Variants in TNS3 observed in about 807,000 individuals in gnomAD.
TNS3 encodes the protein tensin 3.
In TNS3, 45 loss-of-function variants were observed where a neutral mutation model predicts 140.9. The ratio of observed to expected loss-of-function variants is 0.32; its 90% CI spans 0.25 to 0.41. The LOEUF is 0.41. TNS3 is among the 10% of genes least tolerant of loss of function. The pLI is 1.00. For missense variants in TNS3, 1,716 were observed against 1,906.7 expected, an observed-to-expected ratio of 0.90 and a Z score of 1.86; for synonymous variants, 815 against 788.4, an observed-to-expected ratio of 1.03 and a Z score of -0.56.
At chr7:47,426,746 A>T (rs548816630) in intron 9 of TNS3, among the ~76,000 whole-genome samples, 1 of 152,168 alleles carries the variant, frequency 6.6e-6, no homozygotes, top group Non-Finnish European at 1.5e-5. Flanking sequence ...TTTAGCCCTA[A>T]GACATCTACC....
intron 20 of TNS3, among the ~76,000 whole-genome samples, chr7:47,310,605 C>T (rs943096974): frequency 2.0e-5 from 3 of 152,142 alleles, no homozygotes; most frequent in African/African-American, 4.8e-5. Flanking sequence ...ACTGCCACCA[C>T]CCCACACACA....
rs79186979 is a variant in TNS3, at chr7:47,407,032, G to A, written c.723+4695C>T. 0.04 allele frequency among the ~76,000 whole-genome samples: 6,069 copies of A among 152,266 alleles called. 175 individuals carry two copies. Among genetic ancestry groups the A allele is most frequent in the Non-Finnish European group, 0.06 (4,106 of 68,006 alleles). Reference sequence around the variant, plus strand: ...CCCAGAAGAAGCATGAACGGGAGGAGGGGATGGCTCCCGCTCCTCTCTAGG... The same window carrying A: ...CCCAGAAGAAGCATGAACGGGAGGAAGGGATGGCTCCCGCTCCTCTCTAGG... On this transcript the variant is annotated intron_variant, in intron 13 of 30. Transcript: ENST00000311160. This position sits in a 1 kb window ranked among gnomAD's most constrained non-coding sequence, Gnocchi z 4.1.
In TNS3 at chr7:47,283,800, T is replaced by C; in HGVS notation, c.3994A>G (p.Lys1332Glu). The change falls in exon 28 of 31, where the codon AAG becomes GAG. Residue 1332 changes from lysine (K) to glutamate (E), a missense_variant. By Grantham distance (56) the Lys-to-Glu change is moderately conservative. Coordinates refer to ENST00000311160, the MANE Select transcript of TNS3 (RefSeq NM_022748.12). Reference sequence around the variant, plus strand: ...TGGACCAGGGTGATGCTCAGGGCCTTCTGGATCGCCTGGTGGCCGGTGAGG... The same window carrying C: ...TGGACCAGGGTGATGCTCAGGGCCTCCTGGATCGCCTGGTGGCCGGTGAGG... ...ESLTGHQAIQ[K>E]ALSITLVQEP... The C allele has an allele frequency of 6.2e-7, 1 of 1,612,246 alleles. No homozygotes were observed. Among genetic ancestry groups the C allele is most frequent in the South Asian group, 1.1e-5 (1 of 90,788 alleles).
chr7:47,501,128 AAAGGGAGGAAGAGAGG>A (rs1251946164), intron 3 of TNS3, among the ~76,000 whole-genome samples: 3 of 138,508 alleles, frequency 2.2e-5, no homozygotes, highest in African/African-American at 7.9e-5. Context: ...AGAAGAGGAG[AAAGGGAGGAAGAGAGG>A]AAGGGAGGAA....
intron 4 of TNS3, among the ~76,000 whole-genome samples, chr7:47,455,855 G>T (rs181806731): frequency 6.6e-6 from 1 of 152,214 alleles, no homozygotes; most frequent in Admixed American, 6.5e-5. Flanking sequence ...TGTGGCAGAG[G>T]TGGGGCAGGA....
rs1478015110 is a variant in TNS3, at chr7:47,389,055, A to T, written c.1024+7745T>A. On this transcript the variant is annotated intron_variant, in intron 16 of 30. Transcript: ENST00000311160. ...GAAGAAGAAGAAGAAGAAGAAGAAG[A>T]AGAAGAAGAAGAAGAAGAAGAAGAA... is the stretch of plus-strand genomic sequence containing the variant. Among the ~76,000 whole-genome samples the T allele has an allele frequency of 2.2e-4, 14 of 63,632 alleles. 1 individual carries two copies. Among genetic ancestry groups the T allele is most frequent in the African/African-American group, 1.0e-3 (14 of 13,488 alleles). The allele number at this position is 63,632 out of a possible 152,430, so 41.7% of individuals were successfully genotyped here. A position where few individuals can be genotyped will look rare whatever the true frequency, so the allele number is the denominator to read the frequency against.
intron 4 of TNS3, chr7:47,470,458 T>C: frequency 1.0e-6 from 1 of 985,504 alleles, no homozygotes; most frequent in Non-Finnish European, 1.2e-6. Flanking sequence ...TTTTCTTGTC[T>C]GCTGCAGACG....
rs776173634 is a variant in TNS3, at chr7:47,293,695, A to G, written c.3772+38T>C. 4.4e-6 allele frequency: 7 copies of G among 1,581,070 alleles called. No homozygotes were observed. The Admixed American group carries it at 1.0e-4, about 23-fold the overall frequency. On this transcript the variant is annotated intron_variant, in intron 25 of 30. Coordinates refer to ENST00000311160, the MANE Select transcript of TNS3 (RefSeq NM_022748.12). The stretch of plus-strand genomic sequence containing the variant: ...GAGCAGAGGGAATCCAGGCCTCATG[A>G]GTTCAGAACATTGACAGCAACCTCT...
In TNS3 at chr7:47,354,385, A is replaced by G. The variant is rs1486159090; in HGVS notation, c.2282-8029T>C. ...CTCCCCAACGTACCCCTTCTCAGAA[A>G]AACCAAGGAGAAAGGGAACAAAACC... On this transcript the variant is annotated intron_variant, in intron 17 of 30. Transcript: ENST00000311160. Among the ~76,000 whole-genome samples, 6 of 152,072 alleles carry G rather than the reference A, an allele frequency of 3.9e-5. 1 individual carries two copies. Among genetic ancestry groups the G allele is most frequent in the African/African-American group, 1.4e-4 (6 of 41,418 alleles).
At position 47,408,971 on chromosome 7, in the gene TNS3, G is replaced by A. The variant is rs115721726; in HGVS notation, c.723+2756C>T. Among the ~76,000 whole-genome samples, 960 of 152,118 alleles carry A rather than the reference G, an allele frequency of 6.3e-3. 5 individuals are homozygous for A. Among genetic ancestry groups the A allele is most frequent in the African/African-American group, 0.021 (890 of 41,492 alleles). Reference sequence around the variant, plus strand: ...CTGCCAGAAAGCCCATGTCCCCAACGGGATCCTCTAGGGCAAAAACTTCAC... The same window carrying A: ...CTGCCAGAAAGCCCATGTCCCCAACAGGATCCTCTAGGGCAAAAACTTCAC... On this transcript the variant is annotated intron_variant, in intron 13 of 30. Transcript: ENST00000311160.
chr7:47,343,995 G>A (rs532454192), intron 20 of TNS3, among the ~76,000 whole-genome samples: 1 of 152,186 alleles, frequency 6.6e-6, no homozygotes, highest in African/African-American at 2.4e-5. Flanking sequence ...GAAAGTCTCA[G>A]TCTCAGGTAA....
At chr7:47,518,438 G>A (rs949532921) in intron 2 of TNS3, among the ~76,000 whole-genome samples, 12 of 152,124 alleles carry the variant, frequency 7.9e-5, no homozygotes, top group Non-Finnish European at 1.5e-4. Context: ...CACACTTCAA[G>A]ACAACAGCCC....
In TNS3 at chr7:47,407,760, GAC is replaced by G. The variant is rs1236721305; in HGVS notation, c.723+3965_723+3966del. On this transcript the variant is annotated intron_variant, in intron 13 of 30. Coordinates refer to ENST00000311160, the MANE Select transcript of TNS3 (RefSeq NM_022748.12). The surrounding 1 kb of genome is among the most constrained non-coding windows in gnomAD (Gnocchi z 4.1). ...CCTTGTAAGAAGAGATGAGGACATAGACACACAGAGGGAAGCCCAGGTGAGGA... is the reference window on the plus strand; with the variant it reads ...CCTTGTAAGAAGAGATGAGGACATAGACACAGAGGGAAGCCCAGGTGAGGA... Among the ~76,000 whole-genome samples, 2 of 152,180 alleles carry G rather than the reference GAC, an allele frequency of 1.3e-5. No homozygotes were observed. The highest frequency in any genetic ancestry group is 4.8e-5 in the African/African-American group (2 of 41,456).
intron 18 of TNS3, among the ~76,000 whole-genome samples, chr7:47,345,526 T>C (rs1463117758): frequency 6.6e-6 from 1 of 152,246 alleles, no homozygotes; most frequent in African/African-American, 2.4e-5. Context: ...ATAGCTTTTT[T>C]TTCTTGTGAA....
chr7:47,410,578 G>A (rs1479708456), intron 13 of TNS3, among the ~76,000 whole-genome samples: 1 of 152,116 alleles, frequency 6.6e-6, no homozygotes, highest in African/African-American at 2.4e-5. Flanking sequence ...TTCGATCCTC[G>A]CTGATTTGAT....
At chr7:47,296,599 T>C (rs1786039957) in intron 24 of TNS3, among the ~76,000 whole-genome samples, 1 of 152,252 alleles carries the variant, frequency 6.6e-6, no homozygotes, top group Non-Finnish European at 1.5e-5. Context: ...GAGTCTAGGC[T>C]TATTCTAGTA....
chr7:47,307,127 T>C (rs1786807420), intron 20 of TNS3, among the ~76,000 whole-genome samples: 1 of 152,208 alleles, frequency 6.6e-6, no homozygotes, highest in African/African-American at 2.4e-5. Flanking sequence ...ATCATCATGA[T>C]TGAGATAATT....
At chr7:47,546,254 A>AG (rs1253061638) in intron 1 of TNS3, among the ~76,000 whole-genome samples, 1 of 152,224 alleles carries the variant, frequency 6.6e-6, no homozygotes. Flanking sequence ...GCTGAGGCTC[A>AG]GACCTTAACC....
intron 7 of TNS3, among the ~76,000 whole-genome samples, chr7:47,435,752 C>A (rs1437010495): frequency 1.3e-5 from 2 of 152,144 alleles, no homozygotes; most frequent in African/African-American, 4.8e-5. Flanking sequence ...CAAGCTGCTG[C>A]CAAAATCTCC....
Sources: gnomAD v4.1 joint callset for allele counts (sites outside exome capture counted in the v4.1 genomes callset) on GRCh38, gnomAD v4.1.1 for gene constraint, Gnocchi (gnomAD v3.1) non-coding constraint, MANE v1.5 for transcripts, NCBI Gene and HGNC (gene_info 2026-07-23, HGNC 2026-07-21) for gene names.